ARMC8: variants seen among roughly 807,000 people sequenced by gnomAD.
ARMC8 encodes the protein armadillo repeat-containing protein 8.
A neutral mutation model predicts 99.3 loss-of-function variants in ARMC8; 20 were observed. The ratio of observed to expected loss-of-function variants is 0.20; its 90% CI spans 0.14 to 0.29. ARMC8 has a LOEUF of 0.29. ARMC8 is among the 10% of genes least tolerant of loss of function. The pLI is 1.00. For missense variants in ARMC8, 569 were observed against 809.5 expected, an observed-to-expected ratio of 0.70 and a Z score of 3.60; for synonymous variants, 263 against 278.3, an observed-to-expected ratio of 0.95 and a Z score of 0.55.
At chr3:138,227,629 C>T (rs1553757393) in intron 5 of ARMC8, among the ~76,000 whole-genome samples, 1 of 152,034 alleles carries the variant, frequency 6.6e-6, no homozygotes, top group Non-Finnish European at 1.5e-5. Flanking sequence ...CTTGGGCATT[C>T]TTTTTTTTCC....
intron 18 of ARMC8, among the ~76,000 whole-genome samples, chr3:138,281,777 G>A (rs2049955367): frequency 1.3e-5 from 2 of 152,182 alleles, no homozygotes; most frequent in South Asian, 4.1e-4. Context: ...TATTCTGAGG[G>A]ATCTTCCCTG....
chr3:138,237,287 G>T (rs759398204), intron 7 of ARMC8, 22 bp from the exon 8 acceptor site: 3 of 1,602,654 alleles, frequency 1.9e-6, no homozygotes, highest in Admixed American at 3.5e-5. Flanking sequence ...CACATTTTTT[G>T]TTTGTTCATT....
intron 12 of ARMC8, among the ~76,000 whole-genome samples, chr3:138,258,474 T>A (rs1049471405): frequency 6.6e-6 from 1 of 152,216 alleles, no homozygotes; most frequent in Non-Finnish European, 1.5e-5. Flanking sequence ...GGAAGTTCCC[T>A]TGTAGCCAAA....
rs761447231 is a variant in ARMC8 at position 138,235,134 on chromosome 3, G to A, written c.609+20G>A. 1 of 1,564,024 alleles carries A rather than the reference G, an allele frequency of 6.4e-7. No homozygotes were observed. The stretch of plus-strand genomic sequence containing the variant: ...TACAAAGTAAGATGTTAAAAATTGT[G>A]GCCAGATTTGTATACCTTGTTTGTG... On this transcript the variant is annotated intron_variant, in intron 7 of 21. Coordinates refer to ENST00000469044, the MANE Select transcript of ARMC8 (RefSeq NM_001363941.2).
intron 5 of ARMC8, among the ~76,000 whole-genome samples, chr3:138,228,021 G>C (rs1172213343): frequency 6.6e-6 from 1 of 152,166 alleles, no homozygotes; most frequent in East Asian, 1.9e-4. Context: ...GCTCTTGTCT[G>C]TCATCCAGGC....
At chr3:138,245,897 A>T (rs958838563) in intron 12 of ARMC8, 20 of 985,346 alleles carry the variant, frequency 2.0e-5, no homozygotes, top group Non-Finnish European at 2.4e-5. Flanking sequence ...AAACATGTAT[A>T]ACCTAATAAA....
intron 11 of ARMC8, among the ~76,000 whole-genome samples, chr3:138,244,346 C>T (rs1204105665): frequency 3.3e-5 from 5 of 152,160 alleles, no homozygotes; most frequent in African/African-American, 4.8e-5. Flanking sequence ...GGCGCGATCT[C>T]GGCTCACTAC....
At chr3:138,292,421 A>G (rs1269926821) in intron 21 of ARMC8, among the ~76,000 whole-genome samples, 1 of 152,242 alleles carries the variant, frequency 6.6e-6, no homozygotes, top group African/African-American at 2.4e-5. Flanking sequence ...CACAGAGACC[A>G]GTTAAAGGCC....
intron 12 of ARMC8, among the ~76,000 whole-genome samples, chr3:138,252,488 C>T (rs915205481): frequency 1.3e-5 from 2 of 148,588 alleles, no homozygotes; most frequent in Admixed American, 6.7e-5. Context: ...GGGTCTCGCA[C>T]TGTCGCCCAG....
intron 9 of ARMC8, chr3:138,239,035 C>T (rs972028607): frequency 2.5e-5 from 4 of 163,166 alleles, no homozygotes; most frequent in African/African-American, 7.2e-5. Flanking sequence ...TTCTGTGATA[C>T]TTCTACTGCA....
intron 18 of ARMC8, among the ~76,000 whole-genome samples, chr3:138,283,003 A>C (rs1360065307): frequency 6.6e-6 from 1 of 152,200 alleles, no homozygotes; most frequent in Non-Finnish European, 1.5e-5. Flanking sequence ...AGATCAGATC[A>C]TGTCTGTCCC....
chr3:138,207,558 T>C (rs999739086), intron 1 of ARMC8, among the ~76,000 whole-genome samples: 2 of 152,144 alleles, frequency 1.3e-5, no homozygotes, highest in Non-Finnish European at 2.9e-5. Flanking sequence ...AATCTCTGGA[T>C]AGGAGGGTCT....
intron 1 of ARMC8, among the ~76,000 whole-genome samples, chr3:138,194,163 C>A (rs895628780): frequency 6.6e-6 from 1 of 151,604 alleles, no homozygotes; most frequent in African/African-American, 2.4e-5. Flanking sequence ...CTGCCTCAGC[C>A]TCCCGAGTAG....
intron 11 of ARMC8, among the ~76,000 whole-genome samples, chr3:138,244,529 C>T (rs186277088): frequency 1.3e-5 from 2 of 152,262 alleles, no homozygotes; most frequent in Non-Finnish European, 1.5e-5. Context: ...CCATCTGCCT[C>T]GGCCTCCCAA....
intron 2 of ARMC8, among the ~76,000 whole-genome samples, chr3:138,220,040 A>G (rs2045304939): frequency 6.6e-6 from 1 of 152,188 alleles, no homozygotes; most frequent in African/African-American, 2.4e-5. Flanking sequence ...CTTAGCCTAC[A>G]CAGACTCTAA....
intron 3 of ARMC8, among the ~76,000 whole-genome samples, chr3:138,222,887 C>G (rs1007694399): frequency 2.0e-5 from 3 of 152,132 alleles, no homozygotes; most frequent in African/African-American, 7.2e-5. Flanking sequence ...GGATCTCTTC[C>G]TTTTCCAAAT....
At chr3:138,238,292 CCT>C (rs1328028827) in intron 9 of ARMC8, 2 of 152,170 alleles carry the variant, frequency 1.3e-5, no homozygotes, top group Non-Finnish European at 2.9e-5. Flanking sequence ...GTCTCAAACT[CCT>C]GACCTCGTGA....
chr3:138,224,793 A>G (rs974615093), intron 5 of ARMC8, among the ~76,000 whole-genome samples: 2 of 152,240 alleles, frequency 1.3e-5, no homozygotes, highest in African/African-American at 4.8e-5. Context: ...AGTCTCAAAA[A>G]GTATTTGAGT....
At position 138,263,780 on chromosome 3, in the gene ARMC8, C is replaced by T. The variant is rs528694547; in HGVS notation, c.1176C>T (p.Gly392=). ...TENMMDRIVT[G]LSESSVKVRL... ...ATATGATGGACCGAATTGTGACTGG[C>T]TTGTCTGAGTCTAGTGTCAAGGTGC... The change falls in exon 13 of 22, where the codon GGC becomes GGT. Residue 392 remains glycine, a synonymous_variant. Coordinates refer to ENST00000469044, the MANE Select transcript of ARMC8 (RefSeq NM_001363941.2). The T allele has an allele frequency of 6.2e-7, 1 of 1,614,022 alleles. No individual in the cohort carries two copies. Among genetic ancestry groups the T allele is most frequent in the East Asian group, 2.2e-5 (1 of 44,882 alleles).
Sources: allele counts gnomAD v4.1 joint callset (sites outside exome capture counted in the v4.1 genomes callset), GRCh38; gene constraint gnomAD v4.1.1; transcripts MANE v1.5; gene names NCBI Gene and HGNC (gene_info 2026-07-23, HGNC 2026-07-21).